Variants in CCL5 observed in about 807,000 individuals in gnomAD.
CCL5 encodes the protein C-C motif chemokine ligand 5.
CCL5 carries 5 observed loss-of-function variants against 9.0 expected under a neutral mutation model. The ratio of observed to expected loss-of-function variants is 0.55; its 90% CI spans 0.29 to 1.16. CCL5 has a LOEUF of 1.16. CCL5 is among the 50% of genes most tolerant of loss of function. The pLI is 0.08. For synonymous variants in CCL5, 66 were observed against 72.0 expected (o/e 0.92, Z 0.42); for missense variants, 183 against 183.2 (o/e 1.00, Z 0.01).
chr17:35,875,452 C>G (rs2088430181), intron 3 of CCL5: 4 of 311,774 alleles, frequency 1.3e-5, no homozygotes, highest in Admixed American at 1.3e-4. Flanking sequence ...CTTTTTCTCC[C>G]ACCCCGGTGT....
chr17:35,872,071 G>A lies in CCL5; in HGVS notation c.*199C>T, dbSNP rs1339646004. On this transcript the variant is annotated 3_prime_UTR_variant, in exon 4 of 4. Coordinates refer to ENST00000651122, the MANE Select transcript of CCL5 (RefSeq NM_001278736.2). Reference sequence around the variant, plus strand: ...CGAGTAGCTGGGACTACAGGCGCCCGCTACCACGCCCGGCTAATTTTTTGT... The same window carrying A: ...CGAGTAGCTGGGACTACAGGCGCCCACTACCACGCCCGGCTAATTTTTTGT... 6 of 187,874 alleles carry A rather than the reference G, an allele frequency of 3.2e-5. No homozygotes were observed. The highest frequency in any genetic ancestry group is 5.6e-5 in the Non-Finnish European group (5 of 89,618). The allele number at this position is 187,874 out of a possible 1,614,324, so 11.6% of individuals were successfully genotyped here. A position where few individuals can be genotyped will look rare whatever the true frequency, so the allele number is the denominator to read the frequency against.
At chr17:35,878,025 C>G (rs1257388678) in intron 2 of CCL5, among the ~76,000 whole-genome samples, 1 of 152,070 alleles carries the variant, frequency 6.6e-6, no homozygotes, top group East Asian at 1.9e-4. Flanking sequence ...TGGCTCATGC[C>G]TATAATCCCA....
intron 2 of CCL5, among the ~76,000 whole-genome samples, chr17:35,876,978 G>A (rs1035005071): frequency 6.6e-6 from 1 of 151,682 alleles, no homozygotes; most frequent in Non-Finnish European, 1.5e-5. Flanking sequence ...TGTCTGTCTT[G>A]CCCCTCTTAT....
At chr17:35,877,647 G>A (rs1420519977) in intron 2 of CCL5, among the ~76,000 whole-genome samples, 1 of 152,204 alleles carries the variant, frequency 6.6e-6, no homozygotes, top group African/African-American at 2.4e-5. Flanking sequence ...GTAATTTAAA[G>A]ATCAGGCACA....
intron 2 of CCL5, among the ~76,000 whole-genome samples, chr17:35,878,282 C>CA (rs4013866): frequency 0.014 from 461 of 31,888 alleles, 38 homozygotes; most frequent in Middle Eastern, 0.05. Context: ...GACTCTGTCT[C>CA]AAAAAAAAAA....
chr17:35,873,176 C>T (rs2144018565), intron 3 of CCL5, among the ~76,000 whole-genome samples: 1 of 148,036 alleles, frequency 6.8e-6, no homozygotes, highest in Non-Finnish European at 1.5e-5. Flanking sequence ...AGGCGTGAGC[C>T]ACGGCGCCTG....
intron 1 of CCL5, among the ~76,000 whole-genome samples, chr17:35,879,542 G>A (rs2088487114): frequency 6.6e-6 from 1 of 151,260 alleles, no homozygotes; most frequent in Admixed American, 6.6e-5. Context: ...GGCTGAGGCA[G>A]GAGAATGGCA....
intron 1 of CCL5, among the ~76,000 whole-genome samples, chr17:35,879,659 A>C (rs1257152927): frequency 2.7e-5 from 4 of 149,258 alleles, no homozygotes; most frequent in Non-Finnish European, 5.9e-5. Flanking sequence ...AAAAAAAAAA[A>C]GATGTGCCAA....
intron 2 of CCL5, among the ~76,000 whole-genome samples, chr17:35,876,685 G>A (rs1408500292): frequency 2.0e-5 from 3 of 152,200 alleles, no homozygotes; most frequent in South Asian, 2.1e-4. Flanking sequence ...AGCTTTCCCT[G>A]TTCTAGCTCA....
intron 3 of CCL5, among the ~76,000 whole-genome samples, chr17:35,873,258 G>T (rs2088397775): frequency 6.7e-6 from 1 of 148,742 alleles, no homozygotes; most frequent in South Asian, 2.1e-4. Context: ...CACGATCTCA[G>T]CTCACTGCAA....
intron 3 of CCL5, among the ~76,000 whole-genome samples, chr17:35,873,602 G>A (rs542961582): frequency 1.3e-5 from 2 of 152,340 alleles, no homozygotes; most frequent in East Asian, 3.9e-4. Flanking sequence ...ATGACCTTGA[G>A]TCTTCATTTC....
chr17:35,878,243 G>A (rs569309852), intron 2 of CCL5, among the ~76,000 whole-genome samples: 6 of 142,398 alleles, frequency 4.2e-5, no homozygotes, highest in South Asian at 2.3e-4. Flanking sequence ...AGATCGTGCC[G>A]GTGCACTCCA....
At chr17:35,873,772 G>C (rs2088407337) in intron 3 of CCL5, among the ~76,000 whole-genome samples, 1 of 152,288 alleles carries the variant, frequency 6.6e-6, no homozygotes, top group East Asian at 1.9e-4. Context: ...TTCATGTGTT[G>C]TTACTAGAAT....
chr17:35,880,350 T>A lies in CCL5; in HGVS notation c.-45A>T. 1 of 1,511,818 alleles carries A rather than the reference T, an allele frequency of 6.6e-7. No individual in the cohort carries two copies. The highest frequency in any genetic ancestry group is 9.1e-7 in the Non-Finnish European group (1 of 1,099,748). The allele number at this position is 1,511,818 out of a possible 1,614,324, so 93.7% of individuals were successfully genotyped here. On this transcript the variant is annotated 5_prime_UTR_variant, in exon 1 of 4. Coordinates refer to ENST00000651122, the MANE Select transcript of CCL5 (RefSeq NM_001278736.2). Reference sequence around the variant, plus strand: ...GTGCGAGGTCCACGTGCTGTCTTGATCCTCTGCAGGAATCCTCTGCAGCTC... The same window carrying A: ...GTGCGAGGTCCACGTGCTGTCTTGAACCTCTGCAGGAATCCTCTGCAGCTC...
rs28914798 is a variant in CCL5 at position 35,879,579 on chromosome 17, A to G, written c.76+651T>C. Among the ~76,000 whole-genome samples, 59 of 150,074 alleles carry G rather than the reference A, an allele frequency of 3.9e-4. 1 individual carries two copies. The East Asian group carries it at 9.3e-3, about 24-fold the overall frequency. On this transcript the variant is annotated intron_variant, in intron 1 of 3. Transcript: ENST00000651122. ...GAACCCGGGAGACGGAGCTTGCAGT[A>G]AGCCGAGATCGTGCCGCTGCACTCC...
At chr17:35,879,244 C>T (rs991106148) in intron 1 of CCL5, among the ~76,000 whole-genome samples, 6 of 152,184 alleles carry the variant, frequency 3.9e-5, no homozygotes, top group African/African-American at 1.4e-4. Flanking sequence ...CATTTCCTAG[C>T]TGTGTGCCTC....
chr17:35,880,198 C>T lies in CCL5; in HGVS notation c.76+32G>A, dbSNP rs770295900. On this transcript the variant is annotated intron_variant, in intron 1 of 3. Coordinates refer to ENST00000651122, the MANE Select transcript of CCL5 (RefSeq NM_001278736.2). ...AGGCATTCTAGGCAGAGTCTGACTC[C>T]AGGGGCTGTGGTGGTCAAGACCAGG... 7 of 1,590,414 alleles carry T rather than the reference C, an allele frequency of 4.4e-6. No individual in the cohort carries two copies. The Admixed American group carries it at 1.2e-4, about 27-fold the overall frequency.
Position 35,880,272 on chromosome 17 carries a change from G to A in CCL5, c.34C>T (p.Leu12Phe), listed in dbSNP as rs1356815244. The change falls in exon 1 of 4, where the codon CTC (leucine) becomes TTC (phenylalanine). Residue 12 changes from leucine to phenylalanine, a missense_variant. Physicochemically the swap from Leu to Phe is conservative, Grantham distance 22 (BLOSUM62 0). Coordinates refer to ENST00000651122, the MANE Select transcript of CCL5 (RefSeq NM_001278736.2). ...GGAGCGCAGAGGGCAGTAGCAATGA[G>A]GATGACAGCGAGGGCTGCCGCGGAG... 2.5e-6 allele frequency: 4 copies of A among 1,613,602 alleles called. No homozygotes were observed. Among genetic ancestry groups the A allele is most frequent in the African/African-American group, 1.3e-5 (1 of 74,912 alleles).
intron 3 of CCL5, 85 bp from the exon 3 acceptor site, chr17:35,872,549 A>G (rs2088384943): frequency 9.0e-7 from 1 of 1,117,100 alleles, no homozygotes. Flanking sequence ...ATTAAGGTAT[A>G]AAGGGAAATT....
Sources: allele counts gnomAD v4.1 joint callset (sites outside exome capture counted in the v4.1 genomes callset), GRCh38; gene constraint gnomAD v4.1.1; transcripts MANE v1.5; gene names NCBI Gene and HGNC (gene_info 2026-07-23, HGNC 2026-07-21).